MRPL52: variants seen among roughly 807,000 people sequenced by gnomAD.
MRPL52 encodes large ribosomal subunit protein mL52.
MRPL52 carries 19 observed loss-of-function variants against 22.1 expected under a neutral mutation model. The observed-to-expected ratio is 0.86, with a 90% CI of 0.60 to 1.26. The LOEUF (loss-of-function observed/expected upper bound fraction) is 1.26. Ranked by LOEUF, MRPL52 falls within the 50% of genes most tolerant of loss-of-function variation. The pLI is 0.00. For synonymous variants in MRPL52, 50 were observed against 57.5 expected (o/e 0.87, Z 0.59); for missense variants, 152 against 148.1 (o/e 1.03, Z -0.14).
intron 3 of MRPL52, chr14:22,830,904 G>A (rs921301471): frequency 8.3e-7 from 1 of 1,204,636 alleles, no homozygotes; most frequent in Admixed American, 2.1e-5. Context: ...TAGAACATAG[G>A]CCAGTCCTCC....
chr14:22,830,605 G>C (rs1422935652), intron 3 of MRPL52: 2 of 400,742 alleles, frequency 5.0e-6, no homozygotes, highest in Non-Finnish European at 9.0e-6. Flanking sequence ...TTCAGTATTT[G>C]GTACCAAATG....
rs182355570 is a variant in MRPL52 at position 22,831,032 on chromosome 14, T to C, written c.154+778T>C. The C allele has an allele frequency of 7.1e-5, 109 of 1,528,096 alleles. No individual in the cohort carries two copies. In the East Asian group the frequency reaches 2.6e-3, roughly 37 times the overall value. 94.7% of individuals were successfully genotyped at this position (1,528,096 alleles called of 1,614,324 possible). ...TGGTGAAGATTTTTTCTACTTGTTATTTACTGTAAGAAGCCTGGCATCTCC... is the reference window on the plus strand; with the variant it reads ...TGGTGAAGATTTTTTCTACTTGTTACTTACTGTAAGAAGCCTGGCATCTCC... On this transcript the variant is annotated intron_variant, in intron 3 of 4. Coordinates refer to ENST00000397496, the MANE Select transcript of MRPL52 (RefSeq NM_180982.3).
At position 22,829,903 on chromosome 14, in the gene MRPL52, C is replaced by G. The variant is rs1010261261; in HGVS notation, c.-10C>G. The stretch of plus-strand genomic sequence containing the variant: ...CCTACTTCCGGCTACCCCGGCTACT[C>G]CTGCTCAGCATGGCTGCTTTAGGGA... On this transcript the variant is annotated 5_prime_UTR_variant, in exon 1 of 5. Transcript: ENST00000397496. 4 of 1,566,926 alleles carry G rather than the reference C, an allele frequency of 2.6e-6. No homozygotes were observed. The highest frequency in any genetic ancestry group is 2.6e-6 in the Non-Finnish European group (3 of 1,154,174).
chr14:22,834,090 C>A, intron 4 of MRPL52, 82 bp from the exon 5 acceptor site: 2 of 1,472,098 alleles, frequency 1.4e-6, no homozygotes, highest in Non-Finnish European at 1.8e-6. Context: ...CAGATGAAAC[C>A]TCTGAATTTG....
Position 22,834,425 on chromosome 14 carries a change from T to G in MRPL52, c.*104T>G. The G allele has an allele frequency of 5.1e-6, 7 of 1,359,978 alleles. No homozygotes were observed. The highest frequency in any genetic ancestry group is 6.9e-6 in the Non-Finnish European group (7 of 1,013,434). The allele number at this position is 1,359,978 out of a possible 1,614,324, so 84.2% of individuals were successfully genotyped here. A position where few individuals can be genotyped will look rare whatever the true frequency, so the allele number is the denominator to read the frequency against. ...ATAGCCTTCACGTTCCCCATCTGTC[T>G]TCAGAGAAAAAGAGCTGGGACACCA... On this transcript the variant is annotated 3_prime_UTR_variant, in exon 5 of 5. Transcript: ENST00000397496.
intron 4 of MRPL52, among the ~76,000 whole-genome samples, chr14:22,833,761 A>G (rs1255166954): frequency 6.6e-6 from 1 of 152,160 alleles, no homozygotes; most frequent in Non-Finnish European, 1.5e-5. Flanking sequence ...AGCTGGGATT[A>G]CACACGTGTG....
In MRPL52 at chr14:22,833,429, G is replaced by A. The variant is rs767249100; in HGVS notation, c.166G>A (p.Ala56Thr). 1.2e-6 allele frequency: 2 copies of A among 1,613,336 alleles called. No individual in the cohort carries two copies. The highest frequency in any genetic ancestry group is 1.7e-6 in the Non-Finnish European group (2 of 1,179,340). Residue 56 changes from alanine to threonine, a missense_variant, in exon 4 of 5, where the codon GCT (alanine) becomes ACT (threonine). Ala to Thr is a moderately conservative substitution (Grantham distance 58, BLOSUM62 0). Transcript: ENST00000397496. ...ACTTCTACTTGTAGATGGCCGCCCT[G>A]CTCCCCCAATGAAAGGCCAGCTTCG... ...PDWSYADGRP[A>T]PPMKGQLRRK...
intron 4 of MRPL52, 40 bp downstream of exon 4, chr14:22,833,522 G>A (rs1214667924): frequency 1.4e-6 from 2 of 1,466,382 alleles, no homozygotes; most frequent in Non-Finnish European, 1.9e-6. Context: ...CCTGGAAGGA[G>A]AACATTTAAA....
In MRPL52 at chr14:22,834,432, A is replaced by C. The variant is rs4982686; in HGVS notation, c.*111A>C. The stretch of plus-strand genomic sequence containing the variant: ...TCACGTTCCCCATCTGTCTTCAGAG[A>C]AAAAGAGCTGGGACACCAAGAACAA... On this transcript the variant is annotated 3_prime_UTR_variant, in exon 5 of 5. Transcript: ENST00000397496. 0.85 allele frequency: 1,075,687 copies of C among 1,270,952 alleles called. 456,166 individuals carry two copies. Among genetic ancestry groups the C allele is most frequent in the East Asian group, 1 (39,160 of 39,214 alleles). The allele number at this position is 1,270,952 out of a possible 1,614,324, so 78.7% of individuals were successfully genotyped here. A position where few individuals can be genotyped will look rare whatever the true frequency, so the allele number is the denominator to read the frequency against.
rs541118290 is a variant in MRPL52, at chr14:22,831,018, T to G, written c.154+764T>G. ...GTGACTGAGGAAGATGGTGAAGATT[T>G]TTTCTACTTGTTATTTACTGTAAGA... is the stretch of plus-strand genomic sequence containing the variant. On this transcript the variant is annotated intron_variant, in intron 3 of 4. Coordinates refer to ENST00000397496, the MANE Select transcript of MRPL52 (RefSeq NM_180982.3). 6.5e-6 allele frequency: 10 copies of G among 1,533,892 alleles called. No individual in the cohort carries two copies. In the East Asian group the frequency reaches 1.7e-4, roughly 26 times the overall value.
chr14:22,834,149 C>T (rs778519306), intron 4 of MRPL52, 23 bp from the exon 5 acceptor site: 2 of 1,612,192 alleles, frequency 1.2e-6, no homozygotes, highest in African/African-American at 1.3e-5. Flanking sequence ...ATGTTATCCA[C>T]ACTGTTTTCC....
In MRPL52 at chr14:22,829,904, C is replaced by A. The variant is rs561603303; in HGVS notation, c.-9C>A. ...CTACTTCCGGCTACCCCGGCTACTCCTGCTCAGCATGGCTGCTTTAGGGAC... is the reference window on the plus strand; with the variant it reads ...CTACTTCCGGCTACCCCGGCTACTCATGCTCAGCATGGCTGCTTTAGGGAC... On this transcript the variant is annotated 5_prime_UTR_variant, in exon 1 of 5. It adds an upstream start codon to the 5' untranslated region. Coordinates refer to ENST00000397496, the MANE Select transcript of MRPL52 (RefSeq NM_180982.3). The A allele has an allele frequency of 3.7e-5, 58 of 1,585,350 alleles. No individual in the cohort carries two copies. Among genetic ancestry groups the A allele is most frequent in the Non-Finnish European group, 4.9e-5 (57 of 1,165,544 alleles).
rs377472018 is a variant in MRPL52 at position 22,830,182 on chromosome 14, C to T, written c.87-5C>T. 4.2e-5 allele frequency: 68 copies of T among 1,614,252 alleles called. No homozygotes were observed. The Middle Eastern group carries it at 4.9e-4, about 12-fold the overall frequency. On this transcript the variant is annotated splice_polypyrimidine_tract_variant and splice_region_variant and intron_variant, in intron 2 of 4. Transcript: ENST00000397496. ...GTCCTCACAGATCTGTTTTTCTCCA[C>T]ACAGGCAGGGACTGGCTGCCAACCC... is the stretch of plus-strand genomic sequence containing the variant.
At chr14:22,830,291 A>G (rs112919312) in intron 3 of MRPL52, 37 bp downstream of exon 3, 1 of 1,610,480 alleles carries the variant, frequency 6.2e-7, no homozygotes, top group South Asian at 1.1e-5. Context: ...CACTGGGGAG[A>G]TTTTCACCTA....
At chr14:22,830,322 G>A (rs2039578050) in intron 3 of MRPL52, 68 bp downstream of exon 3, 2 of 1,538,614 alleles carry the variant, frequency 1.3e-6, no homozygotes, top group East Asian at 4.5e-5. Context: ...CCCTGGACGG[G>A]GAGCTGGGGG....
chr14:22,830,272 A>C lies in MRPL52; in HGVS notation c.154+18A>C, dbSNP rs1455655688. On this transcript the variant is annotated intron_variant, in intron 3 of 4. Coordinates refer to ENST00000397496, the MANE Select transcript of MRPL52 (RefSeq NM_180982.3). ...ATATGCGGGTAAGCGCTGATCTGGCAGTTAACTCCACTGGGGAGATTTTCA... is the reference window on the plus strand; with the variant it reads ...ATATGCGGGTAAGCGCTGATCTGGCCGTTAACTCCACTGGGGAGATTTTCA... 1 of 1,614,086 alleles carries C rather than the reference A, an allele frequency of 6.2e-7. No homozygotes were observed. Among genetic ancestry groups the C allele is most frequent in the South Asian group, 1.1e-5 (1 of 91,088 alleles).
chr14:22,834,097 T>G, intron 4 of MRPL52, 75 bp from the exon 5 acceptor site: 1 of 1,489,642 alleles, frequency 6.7e-7, no homozygotes, highest in Non-Finnish European at 9.0e-7. Flanking sequence ...AACCTCTGAA[T>G]TTGTAAGTGG....
At chr14:22,830,293 T>G in intron 3 of MRPL52, 39 bp downstream of exon 3, 1 of 1,610,230 alleles carries the variant, frequency 6.2e-7, no homozygotes. Flanking sequence ...CTGGGGAGAT[T>G]TTCACCTAGA....
intron 3 of MRPL52, chr14:22,830,537 T>G: frequency 2.1e-6 from 1 of 478,372 alleles, no homozygotes; most frequent in Non-Finnish European, 3.7e-6. Context: ...TTCTGCGTTT[T>G]TCAAAGGGGG....
Sources: allele counts gnomAD v4.1 joint callset (sites outside exome capture counted in the v4.1 genomes callset), GRCh38; gene constraint gnomAD v4.1.1; transcripts MANE v1.5; gene names NCBI Gene and HGNC (gene_info 2026-07-23, HGNC 2026-07-21).